Variants in MSH3 observed in about 807,000 individuals in gnomAD.
MSH3 encodes the protein DNA mismatch repair protein Msh3.
MSH3 carries 106 observed loss-of-function variants against 123.3 expected under a neutral mutation model. That is an observed-to-expected ratio of 0.86 (90% CI 0.73 to 1.01). The LOEUF (loss-of-function observed/expected upper bound fraction) is 1.01, where lower values mean the gene tolerates loss of function less well. MSH3 is among the 50% of genes least tolerant of loss of function. MSH3 has a pLI of 0.00. For synonymous variants in MSH3, 515 were observed against 481.4 expected, an observed-to-expected ratio of 1.07 and a Z score of -0.91; for missense variants, 1,459 against 1,347.6, an observed-to-expected ratio of 1.08 and a Z score of -1.29.
intron 8 of MSH3, 83 bp from the exon 9 acceptor site, chr5:80,725,370 T>TC: frequency 1.1e-6 from 1 of 875,576 alleles, no homozygotes; most frequent in Non-Finnish European, 1.9e-6. Context: ...ATCTTTTTTT[T>TC]TTCCTCTTCT....
intron 20 of MSH3, among the ~76,000 whole-genome samples, chr5:80,843,998 C>T (rs1203654190): frequency 6.6e-6 from 1 of 151,734 alleles, no homozygotes; most frequent in Non-Finnish European, 1.5e-5. Context: ...GTTAAGGTGT[C>T]GATTTTAGAT....
intron 8 of MSH3, among the ~76,000 whole-genome samples, chr5:80,709,433 T>C (rs1014752486): frequency 3.9e-5 from 6 of 152,070 alleles, no homozygotes; most frequent in South Asian, 2.1e-4. Context: ...CCATCCTGGC[T>C]AACATGGTGA....
At chr5:80,707,463 C>T (rs1456474949) in intron 8 of MSH3, among the ~76,000 whole-genome samples, 2 of 152,106 alleles carry the variant, frequency 1.3e-5, no homozygotes, top group Admixed American at 6.6e-5. Flanking sequence ...TGGTTCACAC[C>T]TATAATCCCA....
chr5:80,753,831 G>T (rs1313799720), intron 12 of MSH3, among the ~76,000 whole-genome samples: 3 of 152,142 alleles, frequency 2.0e-5, no homozygotes, highest in African/African-American at 7.2e-5. Flanking sequence ...CTGATATTCA[G>T]CAGTGGAAGG....
At chr5:80,675,605 A>G (rs1749822891) in intron 7 of MSH3, among the ~76,000 whole-genome samples, 1 of 152,216 alleles carries the variant, frequency 6.6e-6, no homozygotes, top group Admixed American at 6.5e-5. Context: ...CTGGCCTCAC[A>G]ATCTAATCAC....
At chr5:80,663,258 A>C (rs920297244) in intron 2 of MSH3, among the ~76,000 whole-genome samples, 1 of 152,194 alleles carries the variant, frequency 6.6e-6, no homozygotes, top group Non-Finnish European at 1.5e-5. Context: ...CTGATTAGTG[A>C]ATGACTGCAA....
At chr5:80,722,888 T>C (rs992728248) in intron 8 of MSH3, among the ~76,000 whole-genome samples, 1 of 152,158 alleles carries the variant, frequency 6.6e-6, no homozygotes, top group Admixed American at 6.5e-5. Context: ...GCAGATCGCT[T>C]GAGTCCAGGA....
intron 17 of MSH3, among the ~76,000 whole-genome samples, chr5:80,785,432 G>A (rs1477849689): frequency 6.6e-6 from 1 of 152,088 alleles, no homozygotes; most frequent in Non-Finnish European, 1.5e-5. Flanking sequence ...AGTTAGAATG[G>A]CAATCATTAA....
At position 80,768,093 on chromosome 5, in the gene MSH3, T is replaced by TA; in HGVS notation, c.2060dup (p.Ile688AspfsTer4). On this transcript the variant is annotated frameshift_variant, in exon 14 of 24. Coordinates refer to ENST00000265081, the MANE Select transcript of MSH3 (RefSeq NM_002439.5). LOFTEE classifies it high-confidence loss of function. Reference sequence around the variant, plus strand: ...CTCCTCAGTCCAGTGGAGCATTACTTAAAGATACTCAATGAACAAGCTGCC... The same window carrying TA: ...CTCCTCAGTCCAGTGGAGCATTACTTAAAAGATACTCAATGAACAAGCTGCC... 1 of 1,613,712 alleles carries TA rather than the reference T, an allele frequency of 6.2e-7. No individual in the cohort carries two copies. The highest frequency in any genetic ancestry group is 8.5e-7 in the Non-Finnish European group (1 of 1,179,694).
At chr5:80,704,469 T>G (rs992225302) in intron 8 of MSH3, among the ~76,000 whole-genome samples, 6 of 152,220 alleles carry the variant, frequency 3.9e-5, no homozygotes, top group African/African-American at 1.4e-4. Flanking sequence ...TGAGTGAAGC[T>G]TCATCTTCCA....
At chr5:80,748,673 T>C (rs1040740339) in intron 12 of MSH3, among the ~76,000 whole-genome samples, 1 of 149,278 alleles carries the variant, frequency 6.7e-6, no homozygotes, top group Non-Finnish European at 1.5e-5. Flanking sequence ...GTTGATATAG[T>C]CTTGTCAATT....
chr5:80,739,974 T>A (rs1743582115), intron 10 of MSH3, among the ~76,000 whole-genome samples: 1 of 152,162 alleles, frequency 6.6e-6, no homozygotes. Flanking sequence ...GGTGGTTAGG[T>A]TTATAGCACA....
chr5:80,811,783 AAAAGAGATTAAAAAGAGATT>A (rs1017026338), intron 19 of MSH3, among the ~76,000 whole-genome samples: 10 of 148,096 alleles, frequency 6.8e-5, no homozygotes, highest in African/African-American at 2.0e-4. Context: ...GACATATTAA[AAAAGAGATTAAAAAGAGATT>A]AAAGAGATTA....
intron 8 of MSH3, among the ~76,000 whole-genome samples, chr5:80,718,546 T>C (rs2112850208): frequency 6.6e-6 from 1 of 151,894 alleles, no homozygotes; most frequent in East Asian, 1.9e-4. Flanking sequence ...TGTGGAGTTT[T>C]CCAAAGTCTG....
chr5:80,685,950 T>C (rs999352287), intron 8 of MSH3, among the ~76,000 whole-genome samples: 3 of 152,198 alleles, frequency 2.0e-5, no homozygotes, highest in African/African-American at 7.2e-5. Context: ...CATGTGTTTG[T>C]ATAGTTTCCA....
At chr5:80,701,316 C>A (rs982739958) in intron 8 of MSH3, among the ~76,000 whole-genome samples, 3 of 152,072 alleles carry the variant, frequency 2.0e-5, no homozygotes, top group Admixed American at 1.3e-4. Flanking sequence ...CTGGCACAGC[C>A]CTCTGAAGAA....
intron 8 of MSH3, among the ~76,000 whole-genome samples, chr5:80,717,633 T>TA (rs1247706755): frequency 1.3e-5 from 2 of 152,216 alleles, no homozygotes; most frequent in African/African-American, 4.8e-5. Flanking sequence ...CACCAACAGT[T>TA]ATGTAAGAGT....
At chr5:80,786,015 A>T (rs1580050272) in intron 17 of MSH3, among the ~76,000 whole-genome samples, 1 of 151,764 alleles carries the variant, frequency 6.6e-6, no homozygotes, top group East Asian at 1.9e-4. Flanking sequence ...GGGGGGAGGG[A>T]TAACATTGGG....
At chr5:80,663,790 GAAGCAACAA>G (rs1749500913) in intron 2 of MSH3, among the ~76,000 whole-genome samples, 1 of 148,358 alleles carries the variant, frequency 6.7e-6, no homozygotes, top group South Asian at 2.2e-4. Context: ...TATTTTTTTT[GAAGCAACAA>G]AAGCAGAGAT....
Sources: gnomAD v4.1 joint callset for allele counts (sites outside exome capture counted in the v4.1 genomes callset) on GRCh38, gnomAD v4.1.1 for gene constraint, MANE v1.5 for transcripts, NCBI Gene and HGNC (gene_info 2026-07-23, HGNC 2026-07-21) for gene names.